The following PRKD1 variants were observed in gnomAD, a reference collection of about 807,000 sequenced individuals.
PRKD1 encodes serine/threonine-protein kinase D1.
In PRKD1, 63 loss-of-function variants were observed where a neutral mutation model predicts 95.9. The ratio of observed to expected loss-of-function variants is 0.66; its 90% CI spans 0.54 to 0.81. PRKD1 has a LOEUF of 0.81. PRKD1 is among the 30% of genes least tolerant of loss of function. The pLI, the probability that PRKD1 is intolerant of heterozygous loss-of-function variation, is 0.00. For synonymous variants in PRKD1, 425 were observed against 423.1 expected, an observed-to-expected ratio of 1.00 and a Z score of -0.05; for missense variants, 1,048 against 1,165.3, an observed-to-expected ratio of 0.90 and a Z score of 1.47.
rs544371917 is a variant in PRKD1, at chr14:29,712,035, T to C, written c.403+13501A>G. Among the ~76,000 whole-genome samples the C allele has an allele frequency of 1.2e-4, 18 of 152,252 alleles. 1 individual carries two copies. The highest frequency in any genetic ancestry group is 2.1e-4 in the Non-Finnish European group (14 of 67,982). On this transcript the variant is annotated intron_variant, in intron 2 of 17. Transcript: ENST00000331968. ...ATTGAATAGGATTAAGCAAAGCAAT[T>C]GCAAACTATCCAACTTTCGTTTCAG...
At chr14:29,811,592 C>A (rs1233383914) in intron 1 of PRKD1, among the ~76,000 whole-genome samples, 5 of 152,202 alleles carry the variant, frequency 3.3e-5, no homozygotes, top group African/African-American at 7.2e-5. Flanking sequence ...CTGTGGGGCT[C>A]CTGCGTCAGA....
chr14:29,590,635 A>G (rs1893093721), intron 16 of PRKD1, among the ~76,000 whole-genome samples: 1 of 152,174 alleles, frequency 6.6e-6, no homozygotes, highest in Non-Finnish European at 1.5e-5. Context: ...AACAAAATTA[A>G]TCAGCAATAT....
At chr14:29,643,990 G>A (rs1366306615) in intron 4 of PRKD1, among the ~76,000 whole-genome samples, 1 of 152,120 alleles carries the variant, frequency 6.6e-6, no homozygotes, top group Non-Finnish European at 1.5e-5. Context: ...ATCTCTTTAT[G>A]GATTTGTCTG....
intron 4 of PRKD1, chr14:29,656,574 G>T: frequency 6.9e-7 from 1 of 1,439,942 alleles, no homozygotes; most frequent in Non-Finnish European, 9.4e-7. Context: ...GGAAAACAAC[G>T]TTATTGGATG....
chr14:29,621,110 C>A, intron 13 of PRKD1, among the ~76,000 whole-genome samples: 1 of 145,368 alleles, frequency 6.9e-6, no homozygotes, highest in Non-Finnish European at 1.5e-5. Flanking sequence ...ACAAACACTG[C>A]ATGCTCTCAC....
chr14:29,827,414 T>G (rs1891242034), intron 1 of PRKD1, among the ~76,000 whole-genome samples: 1 of 152,080 alleles, frequency 6.6e-6, no homozygotes, highest in East Asian at 1.9e-4. Flanking sequence ...GGATGCATAC[T>G]CTGGACTCTG....
At position 29,599,323 on chromosome 14, in the gene PRKD1, C is replaced by T. The variant is rs45441594; in HGVS notation, c.2068-198G>A. 3.0e-3 allele frequency among the ~76,000 whole-genome samples: 450 copies of T among 152,168 alleles called. 3 individuals are homozygous for T. The highest frequency in any genetic ancestry group is 9.9e-3 in the African/African-American group (412 of 41,532). ...TTACCATATGATGGTATTCATACAG[C>T]GGCCAAGACAGATGTAGATAAAAGA... On this transcript the variant is annotated intron_variant, in intron 14 of 17. Transcript: ENST00000331968.
intron 2 of PRKD1, among the ~76,000 whole-genome samples, chr14:29,666,659 G>A (rs1243347583): frequency 6.6e-6 from 1 of 152,116 alleles, no homozygotes; most frequent in Non-Finnish European, 1.5e-5. Context: ...CAATGAAGAA[G>A]TACATTACAG....
chr14:29,896,041 C>A (rs1211867779), intron 1 of PRKD1, among the ~76,000 whole-genome samples: 1 of 152,186 alleles, frequency 6.6e-6, no homozygotes, highest in Non-Finnish European at 1.5e-5. Context: ...TTTACAGATA[C>A]ATCTATGTGC....
chr14:29,698,622 C>T (rs899148406), intron 2 of PRKD1, among the ~76,000 whole-genome samples: 7 of 151,878 alleles, frequency 4.6e-5, no homozygotes, highest in South Asian at 2.1e-4. Context: ...CTCTATAGAA[C>T]GTCATCCTAC....
chr14:29,607,470 G>T (rs965795202), intron 13 of PRKD1, among the ~76,000 whole-genome samples: 7 of 152,144 alleles, frequency 4.6e-5, no homozygotes, highest in Admixed American at 4.6e-4. Flanking sequence ...AGGGAGAACC[G>T]CTTCCAAGCT....
At chr14:29,873,409 C>T (rs1410761218) in intron 1 of PRKD1, among the ~76,000 whole-genome samples, 1 of 152,076 alleles carries the variant, frequency 6.6e-6, no homozygotes, top group Non-Finnish European at 1.5e-5. Context: ...TAATTTCAGG[C>T]ACTCTCTCAA....
At chr14:29,843,761 T>G (rs906541918) in intron 1 of PRKD1, among the ~76,000 whole-genome samples, 6 of 152,156 alleles carry the variant, frequency 3.9e-5, no homozygotes, top group Non-Finnish European at 7.3e-5. Flanking sequence ...TGAATAGACC[T>G]AATAATAAAT....
intron 16 of PRKD1, among the ~76,000 whole-genome samples, chr14:29,591,985 G>A (rs574823826): frequency 6.6e-6 from 1 of 152,234 alleles, no homozygotes; most frequent in Admixed American, 6.5e-5. Flanking sequence ...CTAAAATTAT[G>A]TTTAAGTGAT....
rs957191961 is a variant in PRKD1 at position 29,832,412 on chromosome 14, T to C, written c.264+94837A>G. Among the ~76,000 whole-genome samples, 7 of 152,350 alleles carry C rather than the reference T, an allele frequency of 4.6e-5. 1 individual carries two copies. Among genetic ancestry groups the C allele is most frequent in the Admixed American group, 1.3e-4 (2 of 15,298 alleles). On this transcript the variant is annotated intron_variant, in intron 1 of 17. Transcript: ENST00000331968. Reference sequence around the variant, plus strand: ...CATTGACATGTTTGCATTTCTCTTATTGATTTATAAGACTTTTCTGTTTGT... The same window carrying C: ...CATTGACATGTTTGCATTTCTCTTACTGATTTATAAGACTTTTCTGTTTGT...
Position 29,771,890 on chromosome 14 carries a change from C to T in PRKD1, c.265-46216G>A, listed in dbSNP as rs150712861. Among the ~76,000 whole-genome samples the T allele has an allele frequency of 3.9e-3, 597 of 152,306 alleles. 5 individuals are homozygous for T. The highest frequency in any genetic ancestry group is 0.013 in the African/African-American group (552 of 41,580). Reference sequence around the variant, plus strand: ...GCCCTGTTTTGTTGTGGACTTATTGCAACTTGTACTCTTTTCTTCCTTCCC... The same window carrying T: ...GCCCTGTTTTGTTGTGGACTTATTGTAACTTGTACTCTTTTCTTCCTTCCC... On this transcript the variant is annotated intron_variant, in intron 1 of 17. Coordinates refer to ENST00000331968, the MANE Select transcript of PRKD1 (RefSeq NM_002742.3).
At chr14:29,872,709 T>C (rs1893155848) in intron 1 of PRKD1, among the ~76,000 whole-genome samples, 1 of 152,098 alleles carries the variant, frequency 6.6e-6, no homozygotes, top group South Asian at 2.1e-4. Flanking sequence ...ATCCCTTTTC[T>C]TTCTTGCCCT....
At chr14:29,626,232 A>G (rs530959801) in intron 12 of PRKD1, among the ~76,000 whole-genome samples, 13 of 152,312 alleles carry the variant, frequency 8.5e-5, no homozygotes, top group South Asian at 8.3e-4. Flanking sequence ...TACTGTGTGT[A>G]CAGTTTGCCT....
At chr14:29,721,121 G>A (rs1885874888) in intron 2 of PRKD1, among the ~76,000 whole-genome samples, 1 of 152,024 alleles carries the variant, frequency 6.6e-6, no homozygotes, top group African/African-American at 2.4e-5. Flanking sequence ...CTCATTTTCA[G>A]CTCTTCTGTC....
Sources: gnomAD v4.1 joint callset for allele counts (sites outside exome capture counted in the v4.1 genomes callset) on GRCh38, gnomAD v4.1.1 for gene constraint, MANE v1.5 for transcripts, NCBI Gene and HGNC (gene_info 2026-07-23, HGNC 2026-07-21) for gene names.